Variants in ZNF623 observed in about 807,000 individuals in gnomAD.
ZNF623 encodes zinc finger protein 623.
In ZNF623, 16 loss-of-function variants were observed where a neutral mutation model predicts 24.0. That is an observed-to-expected ratio of 0.67 (90% CI 0.45 to 1.01). The LOEUF (loss-of-function observed/expected upper bound fraction) is 1.01, where lower values mean the gene tolerates loss of function less well. ZNF623 is among the 50% of genes least tolerant of loss of function. The probability of loss-of-function intolerance (pLI) is 0.00; values close to 1 mark genes in which losing one functional copy is unlikely to be tolerated. For missense variants in ZNF623, 566 were observed against 606.5 expected, an observed-to-expected ratio of 0.93 and a Z score of 0.70; for synonymous variants, 224 against 219.8, an observed-to-expected ratio of 1.02 and a Z score of -0.17.
chr8:143,637,054 G>T (rs1377336991), intron 1 of ZNF623, among the ~76,000 whole-genome samples: 2 of 152,224 alleles, frequency 1.3e-5, no homozygotes, highest in Non-Finnish European at 2.9e-5. Flanking sequence ...CTTGGGCAGA[G>T]CCCTGAGCAG....
At position 143,651,606 on chromosome 8, in the gene ZNF623, G is replaced by T; in HGVS notation, c.*123G>T. ...CATGGATGGGGCTGCTTTTGCAGTG[G>T]GTGCCACCTGCCACTGTGCAGCCCT... On this transcript the variant is annotated 3_prime_UTR_variant, in exon 2 of 2. Coordinates refer to ENST00000526926, the MANE Select transcript of ZNF623 (RefSeq NM_001261843.2). 1 of 1,120,176 alleles carries T rather than the reference G, an allele frequency of 8.9e-7. No homozygotes were observed. The highest frequency in any genetic ancestry group is 2.7e-4 in the Middle Eastern group (1 of 3,658). 69.4% of individuals were successfully genotyped at this position (1,120,176 alleles called of 1,614,324 possible).
intron 1 of ZNF623, among the ~76,000 whole-genome samples, chr8:143,643,387 T>G (rs1443372251): frequency 6.6e-6 from 1 of 152,236 alleles, no homozygotes. Flanking sequence ...CATGCTGCTT[T>G]AAGCTGCTGA....
rs1158462113 is a variant in ZNF623 at position 143,640,967 on chromosome 8, AAGC to A, written c.-96+4830_-96+4832del. On this transcript the variant is annotated intron_variant, in intron 1 of 1. Transcript: ENST00000526926. ...AAAAAAAAAAAAAAAAAAAAAAAAA[AAGC>A]AGCAGCACCTCATCCATTCAAGTTT... Among the ~76,000 whole-genome samples, 257 of 106,094 alleles carry A rather than the reference AAGC, an allele frequency of 2.4e-3. 3 individuals carry two copies. The highest frequency in any genetic ancestry group is 7.9e-3 in the African/African-American group (248 of 31,242). The allele number at this position is 106,094 out of a possible 152,430, so 69.6% of individuals were successfully genotyped here. A position where few individuals can be genotyped will look rare whatever the true frequency, so the allele number is the denominator to read the frequency against.
intron 1 of ZNF623, among the ~76,000 whole-genome samples, chr8:143,645,865 A>G (rs568086612): frequency 5.8e-4 from 87 of 150,036 alleles, no homozygotes; most frequent in Non-Finnish European, 1.5e-5. Context: ...CATTAAAATA[A>G]GTGGGTAAAT....
Position 143,643,912 on chromosome 8 carries a change from CT to C in ZNF623, c.-95-5985del, listed in dbSNP as rs548978816. Reference sequence around the variant, plus strand: ...CTAAGAACACTCTAGCTACAGACTTCTGCAGGGTAGGCTTGCAGTTTCTCCA... The same window carrying C: ...CTAAGAACACTCTAGCTACAGACTTCGCAGGGTAGGCTTGCAGTTTCTCCA... On this transcript the variant is annotated intron_variant, in intron 1 of 1. Transcript: ENST00000526926. 7.6e-4 allele frequency among the ~76,000 whole-genome samples: 116 copies of C among 152,330 alleles called. 2 individuals are homozygous for C. The South Asian group carries it at 0.012, about 15-fold the overall frequency.
At chr8:143,645,297 C>T (rs1815152097) in intron 1 of ZNF623, among the ~76,000 whole-genome samples, 1 of 151,986 alleles carries the variant, frequency 6.6e-6, no homozygotes, top group African/African-American at 2.4e-5. Flanking sequence ...AAAAAATTGG[C>T]CAGGCATGGT....
chr8:143,650,570 G>A lies in ZNF623; in HGVS notation c.578G>A (p.Arg193Lys), dbSNP rs780544857. 1 of 1,614,126 alleles carries A rather than the reference G, an allele frequency of 6.2e-7. No individual in the cohort carries two copies. Among genetic ancestry groups the A allele is most frequent in the South Asian group, 1.1e-5 (1 of 91,080 alleles). Residue 193 changes from arginine (R) to lysine (K), a missense_variant, in exon 2 of 2, where the codon AGA becomes AAA. Around this residue, in one of 3 missense-constraint regions of ZNF623, gnomAD observed 313 missense variants for 300.4 expected, o/e 1.04. Coordinates refer to ENST00000526926, the MANE Select transcript of ZNF623 (RefSeq NM_001261843.2). The surrounding 1 kb of genome is among the most constrained non-coding windows in gnomAD (Gnocchi z 5.2). ...CACCAGAGAGTTCACACCAGAGAGAGACCTTTTGAATGCAAAGAGTGTGGG... is the reference window on the plus strand; with the variant it reads ...CACCAGAGAGTTCACACCAGAGAGAAACCTTTTGAATGCAAAGAGTGTGGG... ...IRHQRVHTRE[R>K]PFECKECGKG... is the part of the protein sequence containing the mutation.
chr8:143,644,793 A>G (rs1218040162), intron 1 of ZNF623, among the ~76,000 whole-genome samples: 3 of 146,844 alleles, frequency 2.0e-5, no homozygotes, highest in Non-Finnish European at 4.5e-5. Flanking sequence ...TCACGCCACC[A>G]TGCAATCAGC....
intron 1 of ZNF623, among the ~76,000 whole-genome samples, chr8:143,648,403 G>C (rs1209215472): frequency 6.6e-6 from 1 of 152,104 alleles, no homozygotes. Flanking sequence ...GTGGATGTTT[G>C]GGGTGAGAGC....
At chr8:143,648,508 G>A (rs1452302272) in intron 1 of ZNF623, among the ~76,000 whole-genome samples, 1 of 152,034 alleles carries the variant, frequency 6.6e-6, no homozygotes, top group Non-Finnish European at 1.5e-5. Flanking sequence ...AGAGTCATGG[G>A]GTAGTAATTG....
In ZNF623 at chr8:143,650,235, A is replaced by G. The variant is rs1191648979; in HGVS notation, c.243A>G (p.Glu81=). The G allele has an allele frequency of 8.7e-6, 14 of 1,614,114 alleles. No individual in the cohort carries two copies. The highest frequency in any genetic ancestry group is 1.2e-5 in the Non-Finnish European group (14 of 1,180,056). ...TTCAGAGAGAGCTCATAGAGGGGGA[A>G]GCCAATCCTTGCGATATCTGTGGCA... ...LLLQRELIEG[E]ANPCDICGKT... Residue 81 remains glutamate (E), a synonymous_variant, in exon 2 of 2, where the codon GAA becomes GAG. Coordinates refer to ENST00000526926, the MANE Select transcript of ZNF623 (RefSeq NM_001261843.2). The surrounding 1 kb of genome is among the most constrained non-coding windows in gnomAD (Gnocchi z 5.2).
intron 1 of ZNF623, among the ~76,000 whole-genome samples, chr8:143,644,458 G>C (rs947665162): frequency 2.0e-5 from 3 of 152,134 alleles, no homozygotes; most frequent in African/African-American, 7.2e-5. Context: ...CAACATTACT[G>C]ATCTTCGCAG....
Position 143,651,605 on chromosome 8 carries a change from G to A in ZNF623, c.*122G>A. The A allele has an allele frequency of 5.3e-6, 6 of 1,137,786 alleles. No individual in the cohort carries two copies. Among genetic ancestry groups the A allele is most frequent in the Non-Finnish European group, 7.4e-6 (6 of 805,806 alleles). The allele number at this position is 1,137,786 out of a possible 1,614,324, so 70.5% of individuals were successfully genotyped here. A position where few individuals can be genotyped will look rare whatever the true frequency, so the allele number is the denominator to read the frequency against. On this transcript the variant is annotated 3_prime_UTR_variant, in exon 2 of 2. Coordinates refer to ENST00000526926, the MANE Select transcript of ZNF623 (RefSeq NM_001261843.2). ...TCATGGATGGGGCTGCTTTTGCAGTGGGTGCCACCTGCCACTGTGCAGCCC... is the reference window on the plus strand; with the variant it reads ...TCATGGATGGGGCTGCTTTTGCAGTAGGTGCCACCTGCCACTGTGCAGCCC...
In ZNF623 at chr8:143,651,817, A is replaced by G; in HGVS notation, c.*334A>G. 3.7e-6 allele frequency: 1 copy of G among 271,702 alleles called. No individual in the cohort carries two copies. Among genetic ancestry groups the G allele is most frequent in the Non-Finnish European group, 7.4e-6 (1 of 135,566 alleles). 16.8% of individuals were successfully genotyped at this position (271,702 alleles called of 1,614,324 possible). A position where few individuals can be genotyped will look rare whatever the true frequency, so the allele number is the denominator to read the frequency against. The stretch of plus-strand genomic sequence containing the variant: ...GACTTAAATCCCTTATTACAGCACA[A>G]CTGTGTATCTAATCTTACGATTTAG... On this transcript the variant is annotated 3_prime_UTR_variant, in exon 2 of 2. Coordinates refer to ENST00000526926, the MANE Select transcript of ZNF623 (RefSeq NM_001261843.2).
intron 1 of ZNF623, among the ~76,000 whole-genome samples, chr8:143,648,329 C>A (rs186367193): frequency 1.1e-3 from 175 of 152,212 alleles, no homozygotes; most frequent in Non-Finnish European, 1.8e-3. Flanking sequence ...AGGAGCGGGG[C>A]TGTGTCAGTG....
intron 1 of ZNF623, among the ~76,000 whole-genome samples, chr8:143,647,684 T>A (rs1815206159): frequency 6.6e-6 from 1 of 152,188 alleles, no homozygotes; most frequent in Non-Finnish European, 1.5e-5. Flanking sequence ...GTGGCCCTTG[T>A]GGGGCCAGAG....
chr8:143,646,399 C>G (rs6983529), intron 1 of ZNF623, among the ~76,000 whole-genome samples: 110 of 152,200 alleles, frequency 7.2e-4, no homozygotes, highest in African/African-American at 2.5e-3. Context: ...ATTCATACAG[C>G]AGATATTGAT....
At chr8:143,644,236 T>C (rs1384404566) in intron 1 of ZNF623, among the ~76,000 whole-genome samples, 2 of 152,170 alleles carry the variant, frequency 1.3e-5, no homozygotes, top group African/African-American at 4.8e-5. Flanking sequence ...CAGGCTGGTC[T>C]CGAACTCCTG....
intron 1 of ZNF623, among the ~76,000 whole-genome samples, chr8:143,645,274 T>C (rs1162999328): frequency 6.6e-6 from 1 of 151,932 alleles, no homozygotes; most frequent in South Asian, 2.1e-4. Context: ...ACCCCGTCTC[T>C]CCTAAAAATA....
Sources: gnomAD v4.1 joint callset for allele counts (sites outside exome capture counted in the v4.1 genomes callset) on GRCh38, gnomAD v4.1.1 for gene constraint, gnomAD v4.1.1 regional missense constraint, Gnocchi (gnomAD v3.1) non-coding constraint, MANE v1.5 for transcripts, NCBI Gene and HGNC (gene_info 2026-07-23, HGNC 2026-07-21) for gene names.